PKD1L3: variants seen among roughly 807,000 people sequenced by gnomAD.
PKD1L3 encodes polycystin-1-like protein 3.
PKD1L3 carries 239 observed loss-of-function variants against 184.1 expected under a neutral mutation model. The ratio of observed to expected loss-of-function variants is 1.30; its 90% CI spans 1.17 to 1.45. The LOEUF (loss-of-function observed/expected upper bound fraction) is 1.45, where lower values mean the gene tolerates loss of function less well. Among genes scored for constraint, PKD1L3 ranks in the 40% most tolerant of loss-of-function variants. The pLI is 0.00. For synonymous variants in PKD1L3, 996 were observed against 778.8 expected (o/e 1.28, Z -4.64); for missense variants, 2,660 against 2,067.2 (o/e 1.29, Z -5.56).
chr16:71,968,653 T>C (rs529599006), intron 13 of PKD1L3, among the ~76,000 whole-genome samples: 1 of 152,322 alleles, frequency 6.6e-6, no homozygotes, highest in East Asian at 1.9e-4. Context: ...TGGAGTGCAG[T>C]GGTTCATTCT....
chr16:71,936,758 C>G (rs112070053), intron 25 of PKD1L3, among the ~76,000 whole-genome samples: 1 of 152,096 alleles, frequency 6.6e-6, no homozygotes, highest in Admixed American at 6.5e-5. Flanking sequence ...GCTTGAACTA[C>G]AGGCATGAGC....
chr16:71,995,507 C>T (rs966118948), intron 2 of PKD1L3, among the ~76,000 whole-genome samples: 7 of 152,060 alleles, frequency 4.6e-5, no homozygotes, highest in Admixed American at 1.3e-4. Flanking sequence ...TATATTTATA[C>T]GTACGTGTAT....
chr16:71,962,806 T>C lies in PKD1L3; in HGVS notation c.2612+399A>G, dbSNP rs1421941159. Among the ~76,000 whole-genome samples the C allele has an allele frequency of 2.6e-5, 4 of 152,212 alleles. No homozygotes were observed. The East Asian group carries it at 7.7e-4, about 29-fold the overall frequency. ...GTTTACTAGTGTCTTTGAAAGTCAG[T>C]TGAAGGCTACAGCCCTCTAATACTT... On this transcript the variant is annotated intron_variant, in intron 16 of 29. Coordinates refer to ENST00000620267, the MANE Select transcript of PKD1L3 (RefSeq NM_181536.2).
intron 7 of PKD1L3, among the ~76,000 whole-genome samples, chr16:71,981,623 C>G (rs2040161539): frequency 6.6e-6 from 1 of 150,852 alleles, no homozygotes; most frequent in Non-Finnish European, 1.5e-5. Context: ...TCACTGCAAC[C>G]TCTGCCTCCC....
intron 16 of PKD1L3, among the ~76,000 whole-genome samples, chr16:71,958,954 G>C (rs751436777): frequency 1.3e-5 from 2 of 151,576 alleles, no homozygotes; most frequent in Non-Finnish European, 1.5e-5. Context: ...AGGCATGGCA[G>C]CGTGTGCCTG....
At position 71,944,114 on chromosome 16, in the gene PKD1L3, C is replaced by G. The variant is rs1233050028; in HGVS notation, c.3775G>C (p.Ala1259Pro). The G allele has an allele frequency of 1.9e-6, 3 of 1,551,336 alleles. No individual in the cohort carries two copies. The South Asian group carries it at 3.6e-5, about 18-fold the overall frequency. ...TTAGTTGGACTATTTATAGCTGGGG[C>G]TACATAGACGGGGTTGTTCTTATCT... is the stretch of plus-strand genomic sequence containing the variant. Reference protein sequence around the residue: ...SRDKNNPVYVAPAINSPTKHP... With the variant: ...SRDKNNPVYVPPAINSPTKHP... Residue 1259 changes from alanine (A) to proline (P), a missense_variant, in exon 23 of 30, where the codon GCC becomes CCC. Coordinates refer to ENST00000620267, the MANE Select transcript of PKD1L3 (RefSeq NM_181536.2).
At chr16:71,947,082 C>A (rs551506285) in intron 22 of PKD1L3, among the ~76,000 whole-genome samples, 30 of 151,868 alleles carry the variant, frequency 2.0e-4, no homozygotes, top group Non-Finnish European at 3.5e-4. Flanking sequence ...ATGGCAAAAC[C>A]CTGTCTCTAC....
chr16:71,994,389 C>T (rs1332829502), intron 2 of PKD1L3, among the ~76,000 whole-genome samples: 2 of 152,172 alleles, frequency 1.3e-5, no homozygotes, highest in Non-Finnish European at 2.9e-5. Flanking sequence ...CCTTCCATGA[C>T]TCTGACCATC....
chr16:71,983,974 T>C (rs2143775333), intron 6 of PKD1L3, 62 bp downstream of exon 6: 1 of 1,535,576 alleles, frequency 6.5e-7, no homozygotes, highest in Admixed American at 2.0e-5. Flanking sequence ...CAGATTCTCT[T>C]TTTCTGTTTT....
Position 71,935,525 on chromosome 16 carries a change from A to G in PKD1L3, c.4453-7T>C, listed in dbSNP as rs2038145510. 3.9e-6 allele frequency: 6 copies of G among 1,551,690 alleles called. No individual in the cohort carries two copies. Among genetic ancestry groups the G allele is most frequent in the Non-Finnish European group, 5.2e-6 (6 of 1,146,784 alleles). On this transcript the variant is annotated splice_polypyrimidine_tract_variant and splice_region_variant and intron_variant, in intron 25 of 29. Transcript: ENST00000620267. ...GCTGTTTCAGCTGACAACCCTAAAC[A>G]TAGACAGCACAGTCACTGTTGCTTG...
chr16:71,955,582 C>A (rs527401537), intron 16 of PKD1L3, among the ~76,000 whole-genome samples: 19 of 151,858 alleles, frequency 1.3e-4, no homozygotes, highest in African/African-American at 4.6e-4. Context: ...AACCTCCATC[C>A]CCCTGGCTCA....
chr16:71,983,548 T>C (rs944406884), intron 6 of PKD1L3, among the ~76,000 whole-genome samples: 1 of 151,976 alleles, frequency 6.6e-6, no homozygotes, highest in Admixed American at 6.6e-5. Flanking sequence ...TCACTACTGA[T>C]CAATTTAATT....
chr16:71,957,753 T>A (rs1377786003), intron 16 of PKD1L3, among the ~76,000 whole-genome samples: 1 of 152,124 alleles, frequency 6.6e-6, no homozygotes, highest in African/African-American at 2.4e-5. Flanking sequence ...ATCAAGCCAC[T>A]GGACTAAAAA....
chr16:71,993,164 G>T, intron 3 of PKD1L3, 52 bp downstream of exon 3: 1 of 1,274,018 alleles, frequency 7.8e-7, no homozygotes, highest in Non-Finnish European at 1.1e-6. Context: ...CATTCTTTTA[G>T]CAGAAATTGA....
At chr16:71,944,894 T>C (rs2038507812) in intron 22 of PKD1L3, among the ~76,000 whole-genome samples, 1 of 151,566 alleles carries the variant, frequency 6.6e-6, no homozygotes, top group Non-Finnish European at 1.5e-5. Flanking sequence ...AGACAGGGTT[T>C]TGCCATGTTG....
At chr16:71,962,097 G>A (rs1444080849) in intron 16 of PKD1L3, among the ~76,000 whole-genome samples, 1 of 138,452 alleles carries the variant, frequency 7.2e-6, no homozygotes, top group African/African-American at 2.7e-5. Context: ...GCTAATTTTT[G>A]TACTTTGGTA....
At chr16:71,939,016 A>G (rs1278974160) in intron 24 of PKD1L3, among the ~76,000 whole-genome samples, 1 of 152,178 alleles carries the variant, frequency 6.6e-6, no homozygotes, top group East Asian at 1.9e-4. Context: ...GGGAGCCCAG[A>G]CCTACAGGCT....
chr16:71,976,147 C>A (rs541657197), intron 11 of PKD1L3, among the ~76,000 whole-genome samples: 1 of 151,714 alleles, frequency 6.6e-6, no homozygotes, highest in South Asian at 2.1e-4. Context: ...GGGGTTTCAC[C>A]GTGTGGGCCA....
rs1469102049 is a variant in PKD1L3, at chr16:71,967,169, G to C, written c.2433C>G (p.Leu811=). The C allele has an allele frequency of 6.4e-7, 1 of 1,551,592 alleles. No homozygotes were observed. The highest frequency in any genetic ancestry group is 2.0e-5 in the Admixed American group (1 of 50,980). Residue 811 remains leucine, a synonymous_variant, in exon 15 of 30, where the codon CTC becomes CTG. Coordinates refer to ENST00000620267, the MANE Select transcript of PKD1L3 (RefSeq NM_181536.2). The part of the protein sequence containing the change: ...TSLGNLHSLR[L]WHDNSGVSPS... ...GACTGACGCCAGAATTGTCATGCCA[G>C]AGCCGAAGGCTGTGCAGGTTCCCTA...
Sources: allele counts gnomAD v4.1 joint callset (sites outside exome capture counted in the v4.1 genomes callset), GRCh38; gene constraint gnomAD v4.1.1; transcripts MANE v1.5; gene names NCBI Gene and HGNC (gene_info 2026-07-23, HGNC 2026-07-21).